Variants in GREM1 observed in about 807,000 individuals in gnomAD.
The protein encoded by GREM1 is gremlin 1, DAN family BMP antagonist, also known as gremlin-1.
A neutral mutation model predicts 13.1 loss-of-function variants in GREM1; 6 were observed. That is an observed-to-expected ratio of 0.46 (90% CI 0.25 to 0.91). GREM1 has a LOEUF of 0.91. Among genes scored for constraint, GREM1 ranks in the 40% least tolerant of loss-of-function variants. The pLI is 0.18. For missense variants in GREM1, 185 were observed against 233.9 expected, an observed-to-expected ratio of 0.79 and a Z score of 1.36; for synonymous variants, 98 against 93.7, an observed-to-expected ratio of 1.05 and a Z score of -0.27.
chr15:32,721,720 C>T (rs984150327), intron 1 of GREM1, among the ~76,000 whole-genome samples: 1 of 152,054 alleles, frequency 6.6e-6, no homozygotes, highest in African/African-American at 2.4e-5. Context: ...TGCCAGTGCA[C>T]TCCAGCCTGG....
chr15:32,727,394 C>T (rs2055530210), intron 1 of GREM1, among the ~76,000 whole-genome samples: 3 of 152,132 alleles, frequency 2.0e-5, no homozygotes, highest in Admixed American at 6.5e-5. Flanking sequence ...TGACAAAAAC[C>T]ACATGATTAT....
Position 32,718,154 on chromosome 15 carries a change from A to C in GREM1, c.-9A>C. On this transcript the variant is annotated 5_prime_UTR_variant, in exon 1 of 2. Coordinates refer to ENST00000651154, the MANE Select transcript of GREM1 (RefSeq NM_013372.7). The stretch of plus-strand genomic sequence containing the variant: ...AGCGCAGGCCCCGAGGACCCGCCGC[A>C]CTGACAGGTGAGCGCGGACGCACCC... The C allele has an allele frequency of 7.5e-7, 1 of 1,326,872 alleles. No individual in the cohort carries two copies. Among genetic ancestry groups the C allele is most frequent in the Admixed American group, 2.3e-5 (1 of 43,968 alleles). 82.2% of individuals were successfully genotyped at this position (1,326,872 alleles called of 1,614,324 possible).
chr15:32,727,980 A>C (rs139485757), intron 1 of GREM1, among the ~76,000 whole-genome samples: 1 of 152,372 alleles, frequency 6.6e-6, no homozygotes, highest in Non-Finnish European at 1.5e-5. Flanking sequence ...TCAAGGTAAT[A>C]AGAGAGGACA....
In GREM1 at chr15:32,721,218, A is replaced by G. The variant is rs753191645; in HGVS notation, c.-2+3057A>G. On this transcript the variant is annotated intron_variant, in intron 1 of 1. Coordinates refer to ENST00000651154, the MANE Select transcript of GREM1 (RefSeq NM_013372.7). ...GGCTTTCCCACTTATGAGCTGTGTGACCTTGGACAAATTTCCAACTTTTCT... is the reference window on the plus strand; with the variant it reads ...GGCTTTCCCACTTATGAGCTGTGTGGCCTTGGACAAATTTCCAACTTTTCT... 1.7e-3 allele frequency among the ~76,000 whole-genome samples: 259 copies of G among 152,308 alleles called. 1 individual carries two copies. The highest frequency in any genetic ancestry group is 2.4e-3 in the Non-Finnish European group (166 of 68,024).
intron 1 of GREM1, 21 bp from the exon 2 acceptor site, chr15:32,730,669 C>G: frequency 6.7e-7 from 1 of 1,500,780 alleles, no homozygotes; most frequent in East Asian, 2.3e-5. Flanking sequence ...GTCTTCCCCT[C>G]TCTGTGCTTC....
At position 32,741,029 on chromosome 15, in the gene GREM1, G is replaced by A. The variant is rs1285832084; in HGVS notation, c.*9784G>A. 1 of 152,120 alleles carries A rather than the reference G, an allele frequency of 6.6e-6. No individual in the cohort carries two copies. The highest frequency in any genetic ancestry group is 1.5e-5 in the Non-Finnish European group (1 of 68,012). 9.4% of individuals were successfully genotyped at this position (152,120 alleles called of 1,614,324 possible). A position where few individuals can be genotyped will look rare whatever the true frequency, so the allele number is the denominator to read the frequency against. The stretch of plus-strand genomic sequence containing the variant: ...TGGCACCACATGGGATAGGGGGAAA[G>A]TAGTTGAAAAAAAATAGTTGTAAGG... On this transcript the variant is annotated 3_prime_UTR_variant, in exon 2 of 2. Coordinates refer to ENST00000651154, the MANE Select transcript of GREM1 (RefSeq NM_013372.7).
rs2055773935 is a variant in GREM1 at position 32,742,903 on chromosome 15, G to A, written c.*11658G>A. The A allele has an allele frequency of 6.6e-6, 1 of 152,180 alleles. No individual in the cohort carries two copies. The highest frequency in any genetic ancestry group is 1.5e-5 in the Non-Finnish European group (1 of 68,020). The allele number at this position is 152,180 out of a possible 1,614,324, so 9.4% of individuals were successfully genotyped here. A position where few individuals can be genotyped will look rare whatever the true frequency, so the allele number is the denominator to read the frequency against. ...TTATTTAAATGTAAGACTTGAAACA[G>A]TAAAACTCCTAGAAGTAAACAGAAG... On this transcript the variant is annotated 3_prime_UTR_variant, in exon 2 of 2. Transcript: ENST00000651154.
intron 1 of GREM1, chr15:32,718,821 C>G (rs2055349535): frequency 3.3e-6 from 1 of 305,120 alleles, no homozygotes; most frequent in Non-Finnish European, 6.5e-6. Flanking sequence ...TCCAGCGAAC[C>G]CGCAGTGCTC....
rs2055689695 is a variant in GREM1, at chr15:32,735,787, AG to A, written c.*4543del. 2 of 149,004 alleles carry A rather than the reference AG, an allele frequency of 1.3e-5. No homozygotes were observed. The highest frequency in any genetic ancestry group is 2.5e-5 in the African/African-American group (1 of 40,134). 9.2% of individuals were successfully genotyped at this position (149,004 alleles called of 1,614,324 possible). On this transcript the variant is annotated 3_prime_UTR_variant, in exon 2 of 2. Transcript: ENST00000651154. The stretch of plus-strand genomic sequence containing the variant: ...TTCAAGCTTAAGAAAAAAAAAAAAA[AG>A]AAGAATGTGGGAGGATGTCAGCAAC...
At position 32,718,446 on chromosome 15, in the gene GREM1, C is replaced by G. The variant is rs769778333; in HGVS notation, c.-2+285C>G. 245 of 472,628 alleles carry G rather than the reference C, an allele frequency of 5.2e-4. 1 individual carries two copies. Among genetic ancestry groups the G allele is most frequent in the Admixed American group, 1.7e-3 (71 of 42,966 alleles). 29.3% of individuals were successfully genotyped at this position (472,628 alleles called of 1,614,324 possible). A position where few individuals can be genotyped will look rare whatever the true frequency, so the allele number is the denominator to read the frequency against. ...CCCGTTTCCACCTCCCGGAGGCCCC[C>G]GAACACGCTCCTGGTGCTGGTGGCA... On this transcript the variant is annotated intron_variant, in intron 1 of 1. Transcript: ENST00000651154.
At chr15:32,719,887 G>C (rs2055376110) in intron 1 of GREM1, among the ~76,000 whole-genome samples, 1 of 152,146 alleles carries the variant, frequency 6.6e-6, no homozygotes, top group South Asian at 2.1e-4. Flanking sequence ...GAGCATGAGA[G>C]TCTTGAGGGG....
intron 1 of GREM1, among the ~76,000 whole-genome samples, chr15:32,725,562 A>G (rs1379433300): frequency 2.0e-5 from 3 of 152,200 alleles, no homozygotes; most frequent in African/African-American, 4.8e-5. Context: ...ATAGACTGCA[A>G]AAATTTTCTC....
chr15:32,724,632 T>G (rs1263736243), intron 1 of GREM1, among the ~76,000 whole-genome samples: 2 of 152,132 alleles, frequency 1.3e-5, no homozygotes, highest in African/African-American at 4.8e-5. Flanking sequence ...TAAGTGCTTT[T>G]TTTTTTTCTT....
At position 32,731,285 on chromosome 15, in the gene GREM1, C is replaced by A. The variant is rs12915554; in HGVS notation, c.*40C>A. On this transcript the variant is annotated 3_prime_UTR_variant, in exon 2 of 2. Transcript: ENST00000651154. ...CACCCAGCATGTCCTAGGAATGCAG[C>A]CCCAGGAAGTCCCAGACCTAAAACA... 484,433 of 1,505,728 alleles carry A rather than the reference C, an allele frequency of 0.32. 83,511 individuals carry two copies. Among genetic ancestry groups the A allele is most frequent in the Non-Finnish European group, 0.36 (389,613 of 1,094,184 alleles). 93.3% of individuals were successfully genotyped at this position (1,505,728 alleles called of 1,614,324 possible).
In GREM1 at chr15:32,730,959, A is replaced by C. The variant is rs762087325; in HGVS notation, c.269A>C (p.Lys90Thr). ...CATGTGACGGAGCGCAAATACCTGA[A>C]GCGAGACTGGTGCAAAACCCAGCCG... The part of the protein sequence containing the change: ...ALHVTERKYL[K>T]RDWCKTQPLK... Residue 90 changes from lysine to threonine, a missense_variant, in exon 2 of 2, where the codon AAG (lysine) becomes ACG (threonine). Lys to Thr is a moderately conservative substitution (Grantham distance 78, BLOSUM62 -1). Coordinates refer to ENST00000651154, the MANE Select transcript of GREM1 (RefSeq NM_013372.7). 1 of 1,614,152 alleles carries C rather than the reference A, an allele frequency of 6.2e-7. No individual in the cohort carries two copies. Among genetic ancestry groups the C allele is most frequent in the African/African-American group, 1.3e-5 (1 of 75,042 alleles).
At position 32,731,524 on chromosome 15, in the gene GREM1, C is replaced by T; in HGVS notation, c.*279C>T. On this transcript the variant is annotated 3_prime_UTR_variant, in exon 2 of 2. Transcript: ENST00000651154. ...GGGATGTACCAGAAACCCACCTCAC[C>T]CCGGCTCACATCTAAAGGGGCGGGG... The T allele has an allele frequency of 2.1e-6, 1 of 481,638 alleles. No homozygotes were observed. 29.8% of individuals were successfully genotyped at this position (481,638 alleles called of 1,614,324 possible).
In GREM1 at chr15:32,745,082, GATAA is replaced by G. The variant is rs1170573054; in HGVS notation, c.*13843_*13846del. 6.6e-6 allele frequency: 1 copy of G among 152,170 alleles called. No individual in the cohort carries two copies. Among genetic ancestry groups the G allele is most frequent in the Non-Finnish European group, 1.5e-5 (1 of 68,028 alleles). The allele number at this position is 152,170 out of a possible 1,614,324, so 9.4% of individuals were successfully genotyped here. A position where few individuals can be genotyped will look rare whatever the true frequency, so the allele number is the denominator to read the frequency against. On this transcript the variant is annotated 3_prime_UTR_variant, in exon 2 of 2. Coordinates refer to ENST00000651154, the MANE Select transcript of GREM1 (RefSeq NM_013372.7). Reference sequence around the variant, plus strand: ...TTTAGTGGTAAACAAGCTGAAATTAGATAAATAAAATGATTTGCCTAATGCCTCA... The same window carrying G: ...TTTAGTGGTAAACAAGCTGAAATTAGATAAAATGATTTGCCTAATGCCTCA...
chr15:32,729,311 G>A (rs770921834), intron 1 of GREM1, among the ~76,000 whole-genome samples: 2 of 152,198 alleles, frequency 1.3e-5, no homozygotes, highest in Non-Finnish European at 2.9e-5. Context: ...ACAGGCGTGA[G>A]CCACTGCGCC....
At chr15:32,721,586 T>C (rs550952455) in intron 1 of GREM1, among the ~76,000 whole-genome samples, 1 of 152,166 alleles carries the variant, frequency 6.6e-6, no homozygotes, top group East Asian at 1.9e-4. Flanking sequence ...AAATCCCGTC[T>C]CTACTAAAAA....
Sources: allele counts gnomAD v4.1 joint callset (sites outside exome capture counted in the v4.1 genomes callset), GRCh38; gene constraint gnomAD v4.1.1; transcripts MANE v1.5; gene names NCBI Gene and HGNC (gene_info 2026-07-23, HGNC 2026-07-21).